The following ZNF469 variants were observed in gnomAD, a reference collection of about 807,000 sequenced individuals.
ZNF469 encodes zinc finger protein 469.
ZNF469 carries 1 observed loss-of-function variant against 1.0 expected under a neutral mutation model. That is an observed-to-expected ratio of 1.00 (90% CI 0.35 to 4.73). The LOEUF is 4.73. Ranked by LOEUF, ZNF469 falls within the 30% of genes most tolerant of loss-of-function variation. The pLI is 0.16. For synonymous variants in ZNF469, 2,703 were observed against 2,363.4 expected (o/e 1.14, Z -4.17); for missense variants, 6,100 against 5,356.3 (o/e 1.14, Z -4.33).
chr16:88,195,457 A>G, the ZNF469 span, among the ~76,000 whole-genome samples: 1 of 151,924 alleles, frequency 6.6e-6, no homozygotes, highest in Non-Finnish European at 1.5e-5. Flanking sequence ...GTGAGGGAGG[A>G]TTTTCTGGGG....
the ZNF469 span, among the ~76,000 whole-genome samples, chr16:88,248,162 G>C: frequency 1.3e-5 from 2 of 152,068 alleles, no homozygotes; most frequent in African/African-American, 4.8e-5. Flanking sequence ...CACAAGGAGA[G>C]AAATAGAATT....
chr16:88,360,046 G>T, the ZNF469 span, among the ~76,000 whole-genome samples: 1 of 152,144 alleles, frequency 6.6e-6, no homozygotes, highest in Non-Finnish European at 1.5e-5. Flanking sequence ...TAGTAGAGAT[G>T]GGGTTTCATC....
chr16:88,326,002 GC>G, the ZNF469 span, among the ~76,000 whole-genome samples: 1 of 152,152 alleles, frequency 6.6e-6, no homozygotes, highest in Admixed American at 6.5e-5. Flanking sequence ...CTGTGATTGC[GC>G]CCCCTCCCCA....
chr16:88,152,126 A>G, the ZNF469 span, among the ~76,000 whole-genome samples: 2 of 152,172 alleles, frequency 1.3e-5, no homozygotes, highest in African/African-American at 4.8e-5. This position sits in a 1 kb window ranked among gnomAD's most constrained non-coding sequence, Gnocchi z 4.2. Context: ...TGGGTGGAGG[A>G]GGGCAGGCGT....
chr16:88,136,466 G>T, the ZNF469 span, among the ~76,000 whole-genome samples: 2 of 152,246 alleles, frequency 1.3e-5, no homozygotes, highest in Non-Finnish European at 2.9e-5. Context: ...CGGCAGCAGG[G>T]TCTATTTCTG....
the ZNF469 span, among the ~76,000 whole-genome samples, chr16:88,317,822 G>A: frequency 3.3e-5 from 5 of 152,216 alleles, no homozygotes; most frequent in African/African-American, 1.2e-4. Context: ...ATCTGGTTCT[G>A]TTTAAGGATT....
chr16:88,274,966 C>T, the ZNF469 span, among the ~76,000 whole-genome samples: 1 of 152,162 alleles, frequency 6.6e-6, no homozygotes, highest in East Asian at 1.9e-4. Flanking sequence ...CGCACACATG[C>T]CAACACTCTG....
the ZNF469 span, among the ~76,000 whole-genome samples, chr16:88,154,689 G>A: frequency 2.6e-5 from 4 of 152,348 alleles, no homozygotes; most frequent in South Asian, 2.1e-4. Context: ...TATTTTGTGA[G>A]CTGCATGGGG....
chr16:88,432,310 G>A lies in ZNF469; in HGVS notation c.4840G>A (p.Ala1614Thr), dbSNP rs1433916801. The stretch of plus-strand genomic sequence containing the variant: ...ACCCTCCCAACGGCGCACCTGCCAG[G>A]CCACCGTGCCCCACGAGGACACGTT... ...EPPSQRRTCQ[A>T]TVPHEDTFSA... The change falls in exon 3 of 3, where the codon GCC becomes ACC. Residue 1614 changes from alanine to threonine, a missense_variant. Transcript: ENST00000565624. The A allele has an allele frequency of 1.3e-6, 2 of 1,547,466 alleles. No individual in the cohort carries two copies. Among genetic ancestry groups the A allele is most frequent in the Non-Finnish European group, 1.7e-6 (2 of 1,146,974 alleles).
At chr16:88,387,744 G>A (rs1904376429) in intron 1 of ZNF469, among the ~76,000 whole-genome samples, 1 of 152,162 alleles carries the variant, frequency 6.6e-6, no homozygotes, top group South Asian at 2.1e-4. Context: ...GGGAACGCTG[G>A]GTGCTCACCT....
chr16:88,321,580 G>T, the ZNF469 span, among the ~76,000 whole-genome samples: 4 of 151,934 alleles, frequency 2.6e-5, no homozygotes, highest in Non-Finnish European at 5.9e-5. Flanking sequence ...CTCGGATTCT[G>T]CTCATAAGGC....
At chr16:88,216,708 C>T in the ZNF469 span, among the ~76,000 whole-genome samples, 1 of 152,166 alleles carries the variant, frequency 6.6e-6, no homozygotes, top group African/African-American at 2.4e-5. Flanking sequence ...TGGAAGCTAT[C>T]CTTTCAAATA....
the ZNF469 span, among the ~76,000 whole-genome samples, chr16:88,321,320 C>G: frequency 6.6e-6 from 1 of 152,272 alleles, no homozygotes; most frequent in South Asian, 2.1e-4. Context: ...CCAGGGAAAC[C>G]TTGGTTTTTG....
chr16:88,401,743 GTGATTGGATGGATGGA>G, intron 1 of ZNF469, among the ~76,000 whole-genome samples: 1 of 143,322 alleles, frequency 7.0e-6, no homozygotes, highest in East Asian at 2.2e-4. Context: ...GGATGGATGG[GTGATTGGATGGATGGA>G]TGGGTAGATG....
the ZNF469 span, among the ~76,000 whole-genome samples, chr16:88,206,027 C>T: frequency 6.6e-6 from 1 of 152,258 alleles, no homozygotes; most frequent in South Asian, 2.1e-4. Context: ...ACAGGGGCGC[C>T]CAGGCCTGCA....
At chr16:88,173,419 T>C in the ZNF469 span, among the ~76,000 whole-genome samples, 1 of 152,156 alleles carries the variant, frequency 6.6e-6, no homozygotes, top group African/African-American at 2.4e-5. Flanking sequence ...GACTATTTTA[T>C]ACAAATAAAA....
chr16:88,384,414 A>T (rs866068272), intron 1 of ZNF469, among the ~76,000 whole-genome samples: 2 of 152,190 alleles, frequency 1.3e-5, no homozygotes, highest in Admixed American at 6.5e-5. Flanking sequence ...ATAAACAGGT[A>T]AATGCCTGGA....
At chr16:88,151,472 C>T in the ZNF469 span, among the ~76,000 whole-genome samples, 1 of 152,220 alleles carries the variant, frequency 6.6e-6, no homozygotes. The surrounding 1 kb of genome is among the most constrained non-coding windows in gnomAD (Gnocchi z 5.4). Context: ...ACCAATTTCG[C>T]TTTGCGGTGC....
chr16:88,302,141 G>A, the ZNF469 span, among the ~76,000 whole-genome samples: 191 of 152,306 alleles, frequency 1.3e-3, no homozygotes, highest in Non-Finnish European at 1.7e-3. Context: ...TGTTCTTCCT[G>A]GGTAGTGGGA....
Sources: gnomAD v4.1 joint callset for allele counts (sites outside exome capture counted in the v4.1 genomes callset) on GRCh38, gnomAD v4.1.1 for gene constraint, Gnocchi (gnomAD v3.1) non-coding constraint, MANE v1.5 for transcripts, NCBI Gene and HGNC (gene_info 2026-07-23, HGNC 2026-07-21) for gene names.